APC: variants seen among roughly 807,000 people sequenced by gnomAD.
The protein encoded by APC is APC regulator of Wnt signaling pathway.
In APC, 72 loss-of-function variants were observed where a neutral mutation model predicts 247.0. The observed-to-expected ratio is 0.29, with a 90% CI of 0.24 to 0.35. The LOEUF (loss-of-function observed/expected upper bound fraction) is 0.35. APC is among the 10% of genes least tolerant of loss of function. The probability of loss-of-function intolerance (pLI) is 1.00; values close to 1 mark genes in which losing one functional copy is unlikely to be tolerated. For missense variants in APC, 3,400 were observed against 3,360.7 expected, an observed-to-expected ratio of 1.01 and a Z score of -0.29; for synonymous variants, 1,254 against 1,162.5, an observed-to-expected ratio of 1.08 and a Z score of -1.60.
chr5:112,807,669 TG>T (rs2149733859), intron 8 of APC, among the ~76,000 whole-genome samples: 1 of 152,306 alleles, frequency 6.6e-6, no homozygotes, highest in African/African-American at 2.4e-5. Flanking sequence ...CCCACTCTAC[TG>T]CCACTGGTTT....
chr5:112,776,278 A>T (rs902523778), intron 5 of APC, among the ~76,000 whole-genome samples: 1 of 152,244 alleles, frequency 6.6e-6, no homozygotes, highest in African/African-American at 2.4e-5. Flanking sequence ...CTGATTTACT[A>T]CAAAGGGTTA....
At chr5:112,733,085 A>G (rs1226372966), upstream of APC, among the ~76,000 whole-genome samples, 3 of 152,244 alleles carry the variant, frequency 2.0e-5, no homozygotes, top group African/African-American at 4.8e-5. Context: ...CAATCTCCAT[A>G]TGCTGGAGCC....
chr5:112,741,994 T>C (rs191846899), intron 1 of APC, among the ~76,000 whole-genome samples: 52 of 152,362 alleles, frequency 3.4e-4, no homozygotes, highest in Non-Finnish European at 6.8e-4. Context: ...CCATTGCATG[T>C]ATATGCCACA....
intron 1 of APC, among the ~76,000 whole-genome samples, chr5:112,749,378 T>C (rs1279170672): frequency 6.6e-6 from 1 of 152,180 alleles, no homozygotes; most frequent in Non-Finnish European, 1.5e-5. Context: ...GAATGATTTG[T>C]TCCTTAAAAG....
intron 4 of APC, 129 bp downstream of exon 4, chr5:112,767,519 C>G: frequency 1.4e-6 from 1 of 711,974 alleles, no homozygotes; most frequent in East Asian, 2.7e-5. Context: ...CATTTTTAAA[C>G]TCAAAGATAG....
intron 8 of APC, among the ~76,000 whole-genome samples, chr5:112,811,506 C>A (rs1052947777): frequency 6.6e-6 from 1 of 152,114 alleles, no homozygotes; most frequent in Non-Finnish European, 1.5e-5. Context: ...ATAGAGAATA[C>A]GAGTATGTGT....
rs372970635 is a variant in APC at position 112,819,356 on chromosome 5, A to G, written c.1312+12A>G. ...GGACAAAAATCCAAGTATGTTCTCT[A>G]TAGTGTACATCGTAGTGCATGTTTC... On this transcript the variant is annotated intron_variant, in intron 10 of 15. Coordinates refer to ENST00000257430, the MANE Select transcript of APC (RefSeq NM_000038.6). The G allele has an allele frequency of 6.8e-6, 11 of 1,613,934 alleles. No individual in the cohort carries two copies. The highest frequency in any genetic ancestry group is 2.7e-5 in the African/African-American group (2 of 74,922).
chr5:112,828,207 T>C (rs2149814922), intron 13 of APC, among the ~76,000 whole-genome samples: 1 of 152,146 alleles, frequency 6.6e-6, no homozygotes, highest in South Asian at 2.1e-4. Flanking sequence ...CGAATTTTTG[T>C]ATTTTTTATA....
rs587780545 is a variant in APC, at chr5:112,792,489, G to A, written c.689G>A (p.Arg230His). 2.7e-5 allele frequency: 44 copies of A among 1,612,306 alleles called. No individual in the cohort carries two copies. The highest frequency in any genetic ancestry group is 2.5e-4 in the East Asian group (11 of 44,696). ...RIQQIEKDIL[R>H]IRQLLQSQAT... is the part of the protein sequence containing the mutation. The stretch of plus-strand genomic sequence containing the variant: ...CAGCAAATCGAAAAGGACATACTTC[G>A]TATACGACAGCTTTTACAGTCCCAA... The change falls in exon 7 of 16, where the codon CGT becomes CAT. Residue 230 changes from arginine (R) to histidine (H), a missense_variant. Arg to His is a conservative substitution (Grantham distance 29, BLOSUM62 0). Coordinates refer to ENST00000257430, the MANE Select transcript of APC (RefSeq NM_000038.6).
chr5:112,724,080 G>A (rs1471867624), intron 1 of APC, among the ~76,000 whole-genome samples: 1 of 152,120 alleles, frequency 6.6e-6, no homozygotes, highest in East Asian at 1.9e-4. Context: ...AATATTTTTA[G>A]AGCTTTATGA....
chr5:112,750,694 T>C (rs1177615574), intron 1 of APC, among the ~76,000 whole-genome samples: 1 of 152,208 alleles, frequency 6.6e-6, no homozygotes, highest in Non-Finnish European at 1.5e-5. Context: ...ATCATTACTT[T>C]AGAGAACTCT....
intron 1 of APC, among the ~76,000 whole-genome samples, chr5:112,750,488 A>ATGTT (rs34614698): frequency 0.41 from 60,114 of 146,242 alleles, 14,419 homozygotes; most frequent in East Asian, 0.67. Context: ...CCTGTTTTTT[A>ATGTT]TGTTTGTTTG....
chr5:112,737,880 G>A (rs1752504674), upstream of APC: 1 of 985,624 alleles, frequency 1.0e-6, no homozygotes, highest in East Asian at 1.1e-4. Flanking sequence ...GCCCGCCAGG[G>A]TGTCACTGGA....
chr5:112,818,858 G>GTTTTTTTT, intron 9 of APC, 108 bp from the exon 10 acceptor site: 1 of 995,214 alleles, frequency 1.0e-6, no homozygotes, highest in East Asian at 3.0e-5. Context: ...GGGGGGGGTT[G>GTTTTTTTT]TTTTGTTTTT....
intron 15 of APC, among the ~76,000 whole-genome samples, chr5:112,835,624 G>A (rs1207992694): frequency 2.0e-5 from 3 of 150,096 alleles, no homozygotes; most frequent in Non-Finnish European, 4.4e-5. Context: ...CCAGACTGGA[G>A]GGCAGTGTTG....
At chr5:112,773,494 A>T (rs1455302752) in intron 4 of APC, among the ~76,000 whole-genome samples, 2 of 152,300 alleles carry the variant, frequency 1.3e-5, no homozygotes, top group East Asian at 3.9e-4. Context: ...ATAACTTTTG[A>T]CTGCCCGAAA....
Position 112,844,797 on chromosome 5 carries a change from G to A in APC, c.*671G>A, listed in dbSNP as rs1003658535. On this transcript the variant is annotated 3_prime_UTR_variant, in exon 16 of 16. Transcript: ENST00000257430. ...AAAATCTGTGTAACTGTAAAACATTGAATGAAACTATTTTACCTGAACTAG... is the reference window on the plus strand; with the variant it reads ...AAAATCTGTGTAACTGTAAAACATTAAATGAAACTATTTTACCTGAACTAG... 2 of 231,932 alleles carry A rather than the reference G, an allele frequency of 8.6e-6. No homozygotes were observed. The highest frequency in any genetic ancestry group is 2.2e-5 in the African/African-American group (1 of 45,280). 14.4% of individuals were successfully genotyped at this position (231,932 alleles called of 1,614,324 possible).
rs534228737 is a variant in APC, at chr5:112,842,285, A to G, written c.6691A>G (p.Ile2231Val). Residue 2231 changes from isoleucine (I) to valine (V), a missense_variant, in exon 16 of 16, where the codon ATT (isoleucine) becomes GTT (valine). Transcript: ENST00000257430. ...MPSISRGRTM[I>V]HIPGVRNSSS... The stretch of plus-strand genomic sequence containing the variant: ...TTCAATCTCTCGAGGCAGGACAATG[A>G]TTCATATTCCAGGAGTTCGAAATAG... 6.2e-7 allele frequency: 1 copy of G among 1,613,986 alleles called. No homozygotes were observed. The highest frequency in any genetic ancestry group is 8.5e-7 in the Non-Finnish European group (1 of 1,179,890).
intron 1 of APC, among the ~76,000 whole-genome samples, chr5:112,713,655 G>A (rs1428769549): frequency 6.6e-6 from 1 of 152,174 alleles, no homozygotes; most frequent in Non-Finnish European, 1.5e-5. Flanking sequence ...GTTAATATAA[G>A]CTGTACATAG....
Sources: allele counts gnomAD v4.1 joint callset (sites outside exome capture counted in the v4.1 genomes callset), GRCh38; gene constraint gnomAD v4.1.1; transcripts MANE v1.5; gene names NCBI Gene and HGNC (gene_info 2026-07-23, HGNC 2026-07-21).